The following FBXL2 variants were observed in gnomAD, a reference collection of about 807,000 sequenced individuals.
FBXL2 encodes F-box/LRR-repeat protein 2.
A neutral mutation model predicts 69.2 loss-of-function variants in FBXL2; 38 were observed. The observed-to-expected ratio is 0.55, with a 90% CI of 0.42 to 0.72. The LOEUF is 0.72. FBXL2 is among the 30% of genes least tolerant of loss of function. The probability of loss-of-function intolerance (pLI) is 0.00; values close to 1 mark genes in which losing one functional copy is unlikely to be tolerated. For synonymous variants in FBXL2, 192 were observed against 201.3 expected (o/e 0.95, Z 0.39); for missense variants, 354 against 520.3 (o/e 0.68, Z 3.11).
rs2042120692 is a variant in FBXL2 at position 33,368,931 on chromosome 3, G to A, written c.291-4161G>A. Among the ~76,000 whole-genome samples the A allele has an allele frequency of 3.3e-5, 5 of 151,866 alleles. No individual in the cohort carries two copies. In the South Asian group the frequency reaches 1.0e-3, roughly 31 times the overall value. ...TATGACAATCTTTGCTTTTTAATTT[G>A]TGTTAGACCATTTGCATTTAATGTG... On this transcript the variant is annotated intron_variant, in intron 5 of 14. Coordinates refer to ENST00000484457, the MANE Select transcript of FBXL2 (RefSeq NM_012157.5).
chr3:33,294,397 C>G (rs765828603), intron 1 of FBXL2, among the ~76,000 whole-genome samples: 46 of 151,948 alleles, frequency 3.0e-4, no homozygotes, highest in Middle Eastern at 3.4e-3. Context: ...GTGCCTGGCC[C>G]CAAATTAACA....
chr3:33,378,410 A>G (rs1444718248), intron 12 of FBXL2, among the ~76,000 whole-genome samples: 1 of 152,180 alleles, frequency 6.6e-6, no homozygotes, highest in Non-Finnish European at 1.5e-5. Context: ...GTGACTCCAA[A>G]GAGGAGAATC....
chr3:33,402,860 G>A, intron 12 of FBXL2: 1 of 1,610,388 alleles, frequency 6.2e-7, no homozygotes, highest in Non-Finnish European at 8.5e-7. Context: ...CTGGGGAAGG[G>A]CTGTTATTCA....
At chr3:33,329,086 A>C (rs1292589909) in intron 2 of FBXL2, among the ~76,000 whole-genome samples, 7 of 152,172 alleles carry the variant, frequency 4.6e-5, no homozygotes, top group African/African-American at 1.7e-4. Flanking sequence ...CAGATAGTCC[A>C]ATTAAAAACA....
chr3:33,360,970 C>T (rs2041579529), intron 4 of FBXL2, among the ~76,000 whole-genome samples: 1 of 112,500 alleles, frequency 8.9e-6, no homozygotes, highest in African/African-American at 3.3e-5. Flanking sequence ...CTCGCTCTGT[C>T]ACCCAGGCTG....
At chr3:33,308,410 A>G (rs960980850) in intron 2 of FBXL2, among the ~76,000 whole-genome samples, 2 of 152,216 alleles carry the variant, frequency 1.3e-5, no homozygotes, top group Admixed American at 6.6e-5. Context: ...TGAGAAACTC[A>G]TAATTTCATA....
chr3:33,357,532 T>TG (rs2041290730), intron 2 of FBXL2, among the ~76,000 whole-genome samples: 1 of 936 alleles, frequency 1.1e-3, no homozygotes, highest in South Asian at 0.042. Flanking sequence ...CCACTGAGTC[T>TG]TTTTTTTTTT....
the FBXL2 span, among the ~76,000 whole-genome samples, chr3:33,414,634 C>T: frequency 3.3e-5 from 5 of 152,100 alleles, no homozygotes; most frequent in African/African-American, 1.2e-4. Context: ...TTTAGGGATT[C>T]TCTAGCTAAA....
At chr3:33,383,465 C>G (rs1415247223) in intron 13 of FBXL2, 1 of 159,936 alleles carries the variant, frequency 6.3e-6, no homozygotes, top group Non-Finnish European at 1.4e-5. Flanking sequence ...TGTCAGATCA[C>G]ACTGTTCAAG....
chr3:33,322,734 G>A (rs2038342378), intron 2 of FBXL2, among the ~76,000 whole-genome samples: 1 of 152,174 alleles, frequency 6.6e-6, no homozygotes, highest in Non-Finnish European at 1.5e-5. Flanking sequence ...CAAAGTAGAT[G>A]CAATTACTGG....
chr3:33,378,576 T>G, intron 12 of FBXL2, 109 bp from the exon 13 acceptor site: 2 of 1,117,704 alleles, frequency 1.8e-6, no homozygotes, highest in Non-Finnish European at 1.3e-6. Context: ...GTGTTTGAGA[T>G]GAGTTTTTAA....
chr3:33,285,561 G>C (rs897066302), intron 1 of FBXL2, among the ~76,000 whole-genome samples: 1 of 152,104 alleles, frequency 6.6e-6, no homozygotes, highest in Non-Finnish European at 1.5e-5. Context: ...GGCATTCTCT[G>C]TATTTCCTGA....
At position 33,375,291 on chromosome 3, in the gene FBXL2, A is replaced by G. The variant is rs760210038; in HGVS notation, c.661A>G (p.Ile221Val). 6.2e-7 allele frequency: 1 copy of G among 1,613,678 alleles called. No homozygotes were observed. Among genetic ancestry groups the G allele is most frequent in the Non-Finnish European group, 8.5e-7 (1 of 1,179,578 alleles). The change falls in exon 10 of 15, where the codon ATC (isoleucine) becomes GTC (valine). Residue 221 changes from isoleucine to valine, a missense_variant. By Grantham distance (29) the Ile-to-Val change is conservative. Coordinates refer to ENST00000484457, the MANE Select transcript of FBXL2 (RefSeq NM_012157.5). ...TTTCTGTGCTGCTTTTCCTCAGCGT[A>G]TCACGGATGAAGGTGTGGTGCAGAT... The part of the protein sequence containing the change: ...VSLNLQSCSR[I>V]TDEGVVQICR...
chr3:33,417,777 T>C, the FBXL2 span, among the ~76,000 whole-genome samples: 1 of 152,314 alleles, frequency 6.6e-6, no homozygotes, highest in African/African-American at 2.4e-5. Context: ...ATGCTTATAA[T>C]ATCACATGAA....
intron 13 of FBXL2, among the ~76,000 whole-genome samples, chr3:33,381,025 T>TA (rs1559641983): frequency 6.6e-6 from 1 of 152,188 alleles, no homozygotes; most frequent in African/African-American, 2.4e-5. Flanking sequence ...ACTACGTTGT[T>TA]AGTGTTAATA....
At chr3:33,292,685 A>C (rs754765652) in intron 1 of FBXL2, among the ~76,000 whole-genome samples, 10 of 152,264 alleles carry the variant, frequency 6.6e-5, no homozygotes, top group Non-Finnish European at 1.2e-4. Context: ...CTATAAGTAC[A>C]AAAGGATTAA....
At chr3:33,420,923 G>A in the FBXL2 span, among the ~76,000 whole-genome samples, 1 of 152,134 alleles carries the variant, frequency 6.6e-6, no homozygotes, top group Non-Finnish European at 1.5e-5. Flanking sequence ...AACATTCTTA[G>A]CAGCGTATTC....
chr3:33,417,084 T>C, the FBXL2 span, among the ~76,000 whole-genome samples: 2 of 152,228 alleles, frequency 1.3e-5, no homozygotes, highest in African/African-American at 4.8e-5. Flanking sequence ...ACACTAAACT[T>C]TTATTATGCT....
the FBXL2 span, among the ~76,000 whole-genome samples, chr3:33,413,773 T>C: frequency 6.6e-6 from 1 of 152,052 alleles, no homozygotes; most frequent in Non-Finnish European, 1.5e-5. Flanking sequence ...CCATCTTCCT[T>C]ACCTGCACCC....
Sources: gnomAD v4.1 joint callset for allele counts (sites outside exome capture counted in the v4.1 genomes callset) on GRCh38, gnomAD v4.1.1 for gene constraint, MANE v1.5 for transcripts, NCBI Gene and HGNC (gene_info 2026-07-23, HGNC 2026-07-21) for gene names.